Variants in AZIN2 observed in about 807,000 individuals in gnomAD.
The protein encoded by AZIN2 is antizyme inhibitor 2, also known as ODC antizyme inhibitor-2.
A neutral mutation model predicts 47.8 loss-of-function variants in AZIN2; 28 were observed. The observed-to-expected ratio is 0.59, with a 90% confidence interval of 0.43 to 0.80. AZIN2 has a LOEUF of 0.80. AZIN2 is among the 30% of genes least tolerant of loss of function. AZIN2 has a pLI of 0.00. For synonymous variants in AZIN2, 221 were observed against 239.4 expected (o/e 0.92, Z 0.71); for missense variants, 535 against 582.5 (o/e 0.92, Z 0.84).
intron 10 of AZIN2, among the ~76,000 whole-genome samples, chr1:33,106,094 C>A (rs1211134141): frequency 1.3e-5 from 2 of 151,998 alleles, no homozygotes; most frequent in African/African-American, 2.4e-5. Context: ...TTACAGGATA[C>A]CACAGAAATT....
At chr1:33,147,651 A>C in the AZIN2 span, 3 of 1,613,834 alleles carry the variant, frequency 1.9e-6, no homozygotes, top group Non-Finnish European at 2.5e-6. This position sits in a 1 kb window ranked among gnomAD's most constrained non-coding sequence, Gnocchi z 8.1. Flanking sequence ...AGTTGCCGTA[A>C]GCCACAATGG....
the AZIN2 span, among the ~76,000 whole-genome samples, chr1:33,131,783 C>T: frequency 6.6e-6 from 1 of 151,774 alleles, no homozygotes; most frequent in Non-Finnish European, 1.5e-5. Context: ...TTAAATATAC[C>T]TCACATTATA....
chr1:33,129,732 T>C, the AZIN2 span, among the ~76,000 whole-genome samples: 1 of 152,242 alleles, frequency 6.6e-6, no homozygotes, highest in South Asian at 2.1e-4. This position sits in a 1 kb window ranked among gnomAD's most constrained non-coding sequence, Gnocchi z 4.1. Flanking sequence ...ATATCACCGA[T>C]AAAGCTCTCC....
the AZIN2 span, among the ~76,000 whole-genome samples, chr1:33,131,636 A>G: frequency 6.6e-6 from 1 of 150,960 alleles, no homozygotes; most frequent in Non-Finnish European, 1.5e-5. Flanking sequence ...AAAATAAATA[A>G]TTAAAATATA....
At chr1:33,132,913 T>C in the AZIN2 span, among the ~76,000 whole-genome samples, 1 of 152,144 alleles carries the variant, frequency 6.6e-6, no homozygotes, top group South Asian at 2.1e-4. Flanking sequence ...CAGAAAAGCA[T>C]GGGGGAATGT....
At chr1:33,158,829 GT>G in the AZIN2 span, among the ~76,000 whole-genome samples, 1 of 151,444 alleles carries the variant, frequency 6.6e-6, no homozygotes, top group Non-Finnish European at 1.5e-5. Context: ...CAGAGCCTCA[GT>G]TTTTTTCTTT....
chr1:33,108,990 C>T (rs563146013), intron 10 of AZIN2, among the ~76,000 whole-genome samples: 1 of 152,216 alleles, frequency 6.6e-6, no homozygotes, highest in Non-Finnish European at 1.5e-5. Context: ...TTCCCACCAG[C>T]AATGAATGGG....
At chr1:33,159,322 CCTA>C in the AZIN2 span, among the ~76,000 whole-genome samples, 6 of 151,886 alleles carry the variant, frequency 4.0e-5, no homozygotes, top group African/African-American at 1.5e-4. The surrounding 1 kb of genome is among the most constrained non-coding windows in gnomAD (Gnocchi z 4.2). Flanking sequence ...TTAAATGCTA[CCTA>C]CTATCTATAA....
chr1:33,157,858 G>A, the AZIN2 span, among the ~76,000 whole-genome samples: 1 of 152,016 alleles, frequency 6.6e-6, no homozygotes, highest in Non-Finnish European at 1.5e-5. Context: ...CTGGGTTCAA[G>A]CAATTCTCCT....
rs1376179786 is a variant in AZIN2, at chr1:33,121,631, A to C, written c.*1449A>C. 6.6e-6 allele frequency among the ~76,000 whole-genome samples: 1 copy of C among 152,216 alleles called. No individual in the cohort carries two copies. Among genetic ancestry groups the C allele is most frequent in the African/African-American group, 2.4e-5 (1 of 41,462 alleles). On this transcript the variant is annotated 3_prime_UTR_variant, in exon 12 of 12. Coordinates refer to ENST00000294517, the MANE Select transcript of AZIN2 (RefSeq NM_052998.4). The stretch of plus-strand genomic sequence containing the variant: ...GAAGTTAGTGGTTTCTGGTGTATTC[A>C]GAGTTGTGTAACCATCACCCTAGAA...
In AZIN2 at chr1:33,084,102, G is replaced by A. The variant is rs773827770; in HGVS notation, c.254G>A (p.Gly85Glu). ...PGVLKVLAQL[G>E]LGFSCANKAE... ...GTGCTGAAGGTTCTGGCCCAGCTGG[G>A]GCTGGGCTTTAGCTGTGCCAACAAG... is the stretch of plus-strand genomic sequence containing the variant. Residue 85 changes from glycine (G) to glutamate (E), a missense_variant, in exon 5 of 12, where the codon GGG becomes GAG. Around this residue, in one of 3 missense-constraint regions of AZIN2, gnomAD observed 409 missense variants for 429.0 expected, o/e 0.95. Coordinates refer to ENST00000294517, the MANE Select transcript of AZIN2 (RefSeq NM_052998.4). The A allele has an allele frequency of 1.2e-6, 2 of 1,612,360 alleles. No individual in the cohort carries two copies. The highest frequency in any genetic ancestry group is 1.1e-5 in the South Asian group (1 of 91,036).
At chr1:33,101,709 G>A in intron 10 of AZIN2, 1 of 599,882 alleles carries the variant, frequency 1.7e-6, no homozygotes, top group Non-Finnish European at 3.0e-6. Flanking sequence ...TTTCAGTATA[G>A]GTTTATCACA....
intron 10 of AZIN2, among the ~76,000 whole-genome samples, chr1:33,104,292 T>C (rs776801216): frequency 5.3e-5 from 8 of 152,210 alleles, no homozygotes; most frequent in Non-Finnish European, 1.0e-4. Context: ...TTCACTTAAT[T>C]TGGGAGGTCT....
chr1:33,081,958 GA>G lies in AZIN2; in HGVS notation c.-73+147del. On this transcript the variant is annotated intron_variant, in intron 3 of 11. Transcript: ENST00000294517. The surrounding 1 kb of genome is among the most constrained non-coding windows in gnomAD (Gnocchi z 4.2). ...TCCAAAACAATTCATCCATTTTACA[GA>G]GGGAGCAACTGACTCGGAGAGGCAG... 1 of 413,256 alleles carries G rather than the reference GA, an allele frequency of 2.4e-6. No homozygotes were observed. Among genetic ancestry groups the G allele is most frequent in the Non-Finnish European group, 4.5e-6 (1 of 221,196 alleles). The allele number at this position is 413,256 out of a possible 1,614,324, so 25.6% of individuals were successfully genotyped here.
downstream of AZIN2, among the ~76,000 whole-genome samples, chr1:33,125,934 G>A (rs572013879): frequency 5.9e-5 from 9 of 152,300 alleles, no homozygotes; most frequent in East Asian, 1.7e-3. Context: ...GGCTGAGGCA[G>A]GAGGATCACT....
intron 10 of AZIN2, among the ~76,000 whole-genome samples, chr1:33,117,416 T>C: frequency 6.6e-6 from 1 of 151,914 alleles, no homozygotes; most frequent in African/African-American, 2.4e-5. Flanking sequence ...GCTGTAGAGG[T>C]GTGGACATAT....
At chr1:33,127,779 A>C (rs2124688419), downstream of AZIN2, among the ~76,000 whole-genome samples, 1 of 152,352 alleles carries the variant, frequency 6.6e-6, no homozygotes, top group East Asian at 1.9e-4. Flanking sequence ...TCTTTGAAAT[A>C]ATTCTTGATC....
intron 10 of AZIN2, among the ~76,000 whole-genome samples, chr1:33,117,044 CTG>C (rs1486892003): frequency 6.6e-6 from 1 of 152,154 alleles, no homozygotes; most frequent in African/African-American, 2.4e-5. Context: ...TGTCCAGAGT[CTG>C]TTACAAATTT....
chr1:33,134,961 C>T, the AZIN2 span, among the ~76,000 whole-genome samples: 1 of 152,174 alleles, frequency 6.6e-6, no homozygotes. Context: ...TTTCACTCCA[C>T]ATAAATATGA....
Sources: allele counts gnomAD v4.1 joint callset (sites outside exome capture counted in the v4.1 genomes callset), GRCh38; gene constraint gnomAD v4.1.1; regional missense constraint gnomAD v4.1.1; non-coding constraint Gnocchi (gnomAD v3.1); transcripts MANE v1.5; gene names NCBI Gene and HGNC (gene_info 2026-07-23, HGNC 2026-07-21).